L3MBTL3: variants seen among roughly 807,000 people sequenced by gnomAD.
L3MBTL3 encodes L3MBTL histone methyl-lysine binding protein 3.
L3MBTL3 carries 27 observed loss-of-function variants against 102.3 expected under a neutral mutation model. The observed-to-expected ratio is 0.26, with a 90% CI of 0.19 to 0.36. The LOEUF (loss-of-function observed/expected upper bound fraction) is 0.36, where lower values mean the gene tolerates loss of function less well. Ranked by LOEUF, L3MBTL3 falls within the 10% of genes least tolerant of loss-of-function variation. The probability of loss-of-function intolerance (pLI) is 1.00; values close to 1 mark genes in which losing one functional copy is unlikely to be tolerated. For synonymous variants in L3MBTL3, 340 were observed against 320.9 expected (o/e 1.06, Z -0.64); for missense variants, 798 against 955.3 (o/e 0.84, Z 2.17).
At position 130,068,429 on chromosome 6, in the gene L3MBTL3, C is replaced by T. The variant is rs201502373; in HGVS notation, c.1092+8C>T. The T allele has an allele frequency of 4.9e-5, 72 of 1,456,914 alleles. No homozygotes were observed. In the Middle Eastern group the frequency reaches 3.7e-3, roughly 74 times the overall value. The allele number at this position is 1,456,914 out of a possible 1,614,324, so 90.2% of individuals were successfully genotyped here. On this transcript the variant is annotated splice_region_variant and intron_variant, in intron 12 of 22. Transcript: ENST00000361794. ...TTTGAAAATCAGAATATAGTAAGTA[C>T]ATACGAAACACGTTTTCTTTCAAAG... is the stretch of plus-strand genomic sequence containing the variant.
chr6:130,088,712 T>G (rs534768404), intron 16 of L3MBTL3, among the ~76,000 whole-genome samples: 1 of 152,302 alleles, frequency 6.6e-6, no homozygotes, highest in South Asian at 2.1e-4. Context: ...TGTCAGCTCT[T>G]TTAGCTCTTG....
chr6:130,110,723 T>G lies in L3MBTL3; in HGVS notation c.1886+6148T>G, dbSNP rs369524573. Among the ~76,000 whole-genome samples, 7 of 152,338 alleles carry G rather than the reference T, an allele frequency of 4.6e-5. No individual in the cohort carries two copies. In the South Asian group the frequency reaches 1.5e-3, roughly 32 times the overall value. On this transcript the variant is annotated intron_variant, in intron 19 of 22. Transcript: ENST00000361794. ...TGATTGCCCTGGCCAGAACTTCCAA[T>G]ACTATGTTGAATAGGAGTGATGAGA...
intron 2 of L3MBTL3, among the ~76,000 whole-genome samples, chr6:130,028,097 G>A (rs1779472281): frequency 6.7e-6 from 1 of 149,054 alleles, no homozygotes; most frequent in Non-Finnish European, 1.5e-5. Context: ...TTCTTGAAAG[G>A]CATTTTTCAT....
chr6:130,116,953 A>T (rs932782352), intron 19 of L3MBTL3, among the ~76,000 whole-genome samples: 1 of 130,048 alleles, frequency 7.7e-6, no homozygotes, highest in African/African-American at 3.5e-5. Flanking sequence ...CTTATTTTTT[A>T]TTTATTTATT....
At chr6:130,120,304 C>G (rs192203741) in intron 19 of L3MBTL3, among the ~76,000 whole-genome samples, 29 of 152,272 alleles carry the variant, frequency 1.9e-4, no homozygotes, top group African/African-American at 2.4e-4. Context: ...TGTAATGGAT[C>G]TATTCCATTT....
chr6:130,057,611 A>G (rs1319252298), intron 9 of L3MBTL3, 114 bp downstream of exon 9: 3 of 850,216 alleles, frequency 3.5e-6, no homozygotes, highest in East Asian at 2.7e-5. Context: ...CTCAGCATAC[A>G]GTTTTCATGC....
intron 2 of L3MBTL3, among the ~76,000 whole-genome samples, chr6:130,040,886 A>G (rs192199895): frequency 2.6e-4 from 40 of 152,324 alleles, no homozygotes; most frequent in African/African-American, 8.9e-4. Flanking sequence ...TACTTCATCA[A>G]TAATGGTCTT....
intron 2 of L3MBTL3, among the ~76,000 whole-genome samples, chr6:130,030,556 A>G (rs1779648933): frequency 1.3e-5 from 2 of 149,750 alleles, no homozygotes; most frequent in Non-Finnish European, 3.0e-5. Context: ...AGTCCCAGCT[A>G]CTCGGGAGGT....
Position 130,061,992 on chromosome 6 carries a change from G to A in L3MBTL3, c.864+1852G>A, listed in dbSNP as rs372519765. On this transcript the variant is annotated intron_variant, in intron 10 of 22. Transcript: ENST00000361794. ...TGTCTTGCGCCATGGCAACTGGAGT[G>A]TTTGGGGACAGAATTGAGTTTTACA... is the stretch of plus-strand genomic sequence containing the variant. Among the ~76,000 whole-genome samples the A allele has an allele frequency of 5.0e-3, 755 of 152,264 alleles. 64 individuals carry two copies. The South Asian group carries it at 0.15, about 29-fold the overall frequency.
At chr6:130,027,946 T>C (rs1392909527) in intron 2 of L3MBTL3, among the ~76,000 whole-genome samples, 1 of 152,136 alleles carries the variant, frequency 6.6e-6, no homozygotes, top group Non-Finnish European at 1.5e-5. Flanking sequence ...TTAAAAAATA[T>C]GTCTGACTCA....
At chr6:130,092,406 A>G (rs1429842883) in intron 16 of L3MBTL3, among the ~76,000 whole-genome samples, 1 of 150,254 alleles carries the variant, frequency 6.7e-6, no homozygotes, top group African/African-American at 2.5e-5. Context: ...CTGCATATTT[A>G]TTGGGTGCTT....
intron 18 of L3MBTL3, among the ~76,000 whole-genome samples, chr6:130,101,339 G>A (rs980439575): frequency 6.6e-6 from 1 of 152,154 alleles, no homozygotes; most frequent in Non-Finnish European, 1.5e-5. Flanking sequence ...CATATTTATT[G>A]TGAGGTGACA....
At chr6:130,088,475 G>A (rs1350749415) in intron 16 of L3MBTL3, among the ~76,000 whole-genome samples, 3 of 152,126 alleles carry the variant, frequency 2.0e-5, no homozygotes, top group Non-Finnish European at 2.9e-5. Context: ...AATATTTTAA[G>A]TTTTTCAGGG....
intron 20 of L3MBTL3, among the ~76,000 whole-genome samples, chr6:130,128,217 A>G (rs908071567): frequency 1.3e-5 from 2 of 152,104 alleles, no homozygotes; most frequent in Non-Finnish European, 2.9e-5. Flanking sequence ...TGTGTGTGTA[A>G]TATAAAACAC....
At chr6:130,047,478 GA>G (rs1264310842) in intron 3 of L3MBTL3, among the ~76,000 whole-genome samples, 1 of 152,182 alleles carries the variant, frequency 6.6e-6, no homozygotes, top group Non-Finnish European at 1.5e-5. Context: ...CTCAGTCTTT[GA>G]AATGGAGGGT....
Position 130,055,195 on chromosome 6 carries a change from C to G in L3MBTL3, c.607C>G (p.Leu203Val). The G allele has an allele frequency of 6.2e-7, 1 of 1,613,742 alleles. No individual in the cohort carries two copies. The highest frequency in any genetic ancestry group is 8.5e-7 in the Non-Finnish European group (1 of 1,179,804). Residue 203 changes from leucine to valine, a missense_variant, in exon 8 of 23, where the codon CTG becomes GTG. Around this residue, in one of 4 missense-constraint regions of L3MBTL3, gnomAD observed 434 missense variants for 506.6 expected, o/e 0.86. Coordinates refer to ENST00000361794, the MANE Select transcript of L3MBTL3 (RefSeq NM_032438.4). ...EMENKQDVRI[L>V]RGSQRARRKR... ...GGAGAACAAACAAGATGTAAGAATCCTGAGGGGTTCGCAGAGAGCACGGAG... is the reference window on the plus strand; with the variant it reads ...GGAGAACAAACAAGATGTAAGAATCGTGAGGGGTTCGCAGAGAGCACGGAG...
intron 1 of L3MBTL3, among the ~76,000 whole-genome samples, chr6:130,019,983 G>A (rs1778853906): frequency 1.5e-5 from 2 of 129,346 alleles, no homozygotes; most frequent in Admixed American, 1.6e-4. Context: ...GGGAGGCGGC[G>A]GCGGCGGTCG....
At chr6:130,086,650 G>A (rs1217826209) in intron 16 of L3MBTL3, among the ~76,000 whole-genome samples, 1 of 152,108 alleles carries the variant, frequency 6.6e-6, no homozygotes, top group East Asian at 1.9e-4. Flanking sequence ...TATAGGCCAA[G>A]TAAAGATAAA....
At chr6:130,071,747 A>G (rs1232280325) in intron 13 of L3MBTL3, among the ~76,000 whole-genome samples, 1 of 152,166 alleles carries the variant, frequency 6.6e-6, no homozygotes, top group African/African-American at 2.4e-5. Context: ...TCTTTATAAA[A>G]TACAACTTGT....
Sources: gnomAD v4.1 joint callset for allele counts (sites outside exome capture counted in the v4.1 genomes callset) on GRCh38, gnomAD v4.1.1 for gene constraint, gnomAD v4.1.1 regional missense constraint, MANE v1.5 for transcripts, NCBI Gene and HGNC (gene_info 2026-07-23, HGNC 2026-07-21) for gene names.